Variants in QTGAL observed in about 807,000 individuals in gnomAD.
QTGAL encodes BGnT-like protein 1.
At chr17:82,972,863 C>T in the QTGAL span, among the ~76,000 whole-genome samples, 14 of 141,992 alleles carry the variant, frequency 9.9e-5, no homozygotes, top group African/African-American at 3.8e-4. Context: ...TCATAGGGGC[C>T]AGAAGGACCC....
the QTGAL span, among the ~76,000 whole-genome samples, chr17:83,000,004 C>T: frequency 6.6e-6 from 1 of 152,082 alleles, no homozygotes; most frequent in African/African-American, 2.4e-5. Flanking sequence ...GCTCTGTCGC[C>T]CAGGCTAGAG....
the QTGAL span, among the ~76,000 whole-genome samples, chr17:82,986,984 G>A: frequency 6.6e-6 from 1 of 152,224 alleles, no homozygotes; most frequent in South Asian, 2.1e-4. Context: ...ACGAGGCAGA[G>A]TGCCTTTCTC....
the QTGAL span, chr17:82,949,959 T>C: frequency 6.6e-6 from 1 of 152,188 alleles, no homozygotes; most frequent in Non-Finnish European, 1.5e-5. Context: ...GATGGGTACA[T>C]AGGGCTGGTT....
chr17:83,031,878 G>A, the QTGAL span, among the ~76,000 whole-genome samples: 13 of 152,226 alleles, frequency 8.5e-5, no homozygotes, highest in Non-Finnish European at 1.8e-4. Flanking sequence ...GTTCACACTG[G>A]TCAGCTGGGC....
chr17:83,008,897 C>G, the QTGAL span, among the ~76,000 whole-genome samples: 1 of 152,208 alleles, frequency 6.6e-6, no homozygotes, highest in African/African-American at 2.4e-5. Context: ...ATGATCCCAG[C>G]CCGGCAGTCC....
chr17:82,978,089 C>T, the QTGAL span, among the ~76,000 whole-genome samples: 2 of 152,058 alleles, frequency 1.3e-5, no homozygotes, highest in Admixed American at 6.5e-5. The surrounding 1 kb of genome is among the most constrained non-coding windows in gnomAD (Gnocchi z 4.8). Context: ...CGAGTAATTC[C>T]GTAATTTTAA....
chr17:82,956,671 C>A, the QTGAL span: 7 of 1,537,072 alleles, frequency 4.6e-6, no homozygotes, highest in Non-Finnish European at 6.2e-6. The surrounding 1 kb of genome is among the most constrained non-coding windows in gnomAD (Gnocchi z 5.7). Flanking sequence ...CAAGCCCTTC[C>A]ACGGCCAAGG....
chr17:82,947,037 C>T, the QTGAL span: 52 of 1,475,878 alleles, frequency 3.5e-5, no homozygotes, highest in African/African-American at 5.9e-4. Flanking sequence ...TAGGAGGCCA[C>T]TGTGGAGCCT....
chr17:83,041,065 C>CAAAAAAAAAAAAA, the QTGAL span, among the ~76,000 whole-genome samples: 1 of 89,812 alleles, frequency 1.1e-5, no homozygotes, highest in Non-Finnish European at 2.4e-5. Context: ...GACTCCATCT[C>CAAAAAAAAAAAAA]AAAAAAAAAA....
the QTGAL span, among the ~76,000 whole-genome samples, chr17:82,962,053 G>A: frequency 1.3e-5 from 2 of 152,140 alleles, no homozygotes; most frequent in Non-Finnish European, 2.9e-5. Context: ...TCAGCCGCCC[G>A]GAGACACCTT....
At chr17:83,021,083 T>C in the QTGAL span, among the ~76,000 whole-genome samples, 3 of 152,242 alleles carry the variant, frequency 2.0e-5, no homozygotes, top group Admixed American at 1.3e-4. Context: ...TGATACTTTA[T>C]GGACATCTGT....
the QTGAL span, among the ~76,000 whole-genome samples, chr17:82,974,295 C>A: frequency 6.6e-6 from 1 of 152,184 alleles, no homozygotes; most frequent in Admixed American, 6.5e-5. Context: ...GACAAGCTGA[C>A]CCTGGACACT....
the QTGAL span, among the ~76,000 whole-genome samples, chr17:82,969,381 G>T: frequency 1.3e-5 from 2 of 152,012 alleles, no homozygotes; most frequent in Non-Finnish European, 2.9e-5. Context: ...GCTGATTTTT[G>T]TATTTTTAGT....
chr17:83,001,965 T>G, the QTGAL span, among the ~76,000 whole-genome samples: 1 of 151,974 alleles, frequency 6.6e-6, no homozygotes, highest in African/African-American at 2.4e-5. Flanking sequence ...TCTCACTATA[T>G]TGCGCAGACT....
the QTGAL span, among the ~76,000 whole-genome samples, chr17:83,018,642 T>C: frequency 6.6e-6 from 1 of 152,234 alleles, no homozygotes; most frequent in Non-Finnish European, 1.5e-5. Context: ...CACCATGGTT[T>C]TCCACAGGAC....
At chr17:83,014,313 G>A in the QTGAL span, 2 of 898,412 alleles carry the variant, frequency 2.2e-6, no homozygotes, top group African/African-American at 1.7e-5. Context: ...TCAGAGACAT[G>A]CCAGCCACAG....
chr17:83,024,248 A>G, the QTGAL span, among the ~76,000 whole-genome samples: 1 of 152,146 alleles, frequency 6.6e-6, no homozygotes, highest in Non-Finnish European at 1.5e-5. Flanking sequence ...TCCCGGCCAC[A>G]GCTCCTGGCC....
the QTGAL span, chr17:82,978,778 T>C: frequency 6.6e-6 from 1 of 152,174 alleles, no homozygotes; most frequent in Non-Finnish European, 1.5e-5. This position sits in a 1 kb window ranked among gnomAD's most constrained non-coding sequence, Gnocchi z 4.8. Context: ...CAGTTGAGTC[T>C]AGAGACAAGG....
At chr17:83,042,659 T>C in the QTGAL span, among the ~76,000 whole-genome samples, 2 of 151,826 alleles carry the variant, frequency 1.3e-5, no homozygotes, top group East Asian at 1.9e-4. Flanking sequence ...ATAAGACATA[T>C]AGAAAGCAGA....
Sources: allele counts gnomAD v4.1 joint callset (sites outside exome capture counted in the v4.1 genomes callset), GRCh38; gene constraint gnomAD v4.1.1; non-coding constraint Gnocchi (gnomAD v3.1); transcripts MANE v1.5; gene names NCBI Gene and HGNC (gene_info 2026-07-23, HGNC 2026-07-21).